The following COL6A5 variants were observed in gnomAD, a reference collection of about 807,000 sequenced individuals.
COL6A5 encodes the protein collagen type VI alpha 5 chain.
In COL6A5, 48 loss-of-function variants were observed where a neutral mutation model predicts 65.6. The ratio of observed to expected loss-of-function variants is 0.73; its 90% CI spans 0.58 to 0.93. COL6A5 has a LOEUF of 0.93. COL6A5 is among the 40% of genes least tolerant of loss of function. COL6A5 has a pLI of 0.00. For synonymous variants in COL6A5, 291 were observed against 322.8 expected (o/e 0.90, Z 1.05); for missense variants, 914 against 928.3 (o/e 0.98, Z 0.20).
chr3:130,398,073 T>TAATG (rs1398913539), exon 10 of COL6A5: 14 of 1,550,682 alleles, frequency 9.0e-6, no homozygotes, highest in Non-Finnish European at 1.2e-5. Flanking sequence ...GAAAGCAACA[T>TAATG]AATGCTTGAA....
upstream of COL6A5, chr3:130,429,444 C>G (rs568030985): frequency 9.6e-5 from 68 of 708,900 alleles, no homozygotes; most frequent in African/African-American, 1.2e-3. Context: ...CTTCCTGTCA[C>G]TTAGGAATTA....
rs577043089 is a variant in COL6A5, at chr3:130,391,844, G to A, written c.2992+90G>A. On this transcript the variant is annotated intron_variant and NMD_transcript_variant, in intron 7 of 41. Transcript: ENST00000312481. ...TAAGTCTCAGGTCTCCGATTACCTG[G>A]ATGTTATGGACTGAACATTTCTCTG... The A allele has an allele frequency of 4.8e-4, 459 of 954,942 alleles. 2 individuals carry two copies. In the African/African-American group the frequency reaches 5.8e-3, roughly 12 times the overall value. 59.2% of individuals were successfully genotyped at this position (954,942 alleles called of 1,614,324 possible).
At chr3:130,466,597 G>C (rs1709823168) in intron 5 of COL6A5, among the ~76,000 whole-genome samples, 1 of 151,664 alleles carries the variant, frequency 6.6e-6, no homozygotes, top group African/African-American at 2.4e-5. Flanking sequence ...CAAGGTAAGT[G>C]GGAGAAAGAA....
intron 25 of COL6A5, 67 bp from the exon 26 acceptor site, chr3:130,421,086 T>G: frequency 7.1e-7 from 1 of 1,404,790 alleles, no homozygotes; most frequent in Non-Finnish European, 9.8e-7. Context: ...CACTGTAATC[T>G]CCCCAGTATA....
intron 1 of COL6A5, among the ~76,000 whole-genome samples, chr3:130,438,405 GTGAATGAA>G (rs955738532): frequency 2.7e-5 from 4 of 147,576 alleles, no homozygotes; most frequent in African/African-American, 9.9e-5. Flanking sequence ...GAGTGAATGA[GTGAATGAA>G]TGAATGAATG....
chr3:130,349,952 A>T (rs1934640123), intron 1 of COL6A5, among the ~76,000 whole-genome samples: 1 of 152,208 alleles, frequency 6.6e-6, no homozygotes, highest in African/African-American at 2.4e-5. Flanking sequence ...TGGTCCCAAG[A>T]TGGCAGTTGG....
intron 1 of COL6A5, among the ~76,000 whole-genome samples, chr3:130,369,466 G>A (rs1935471202): frequency 1.3e-5 from 2 of 152,048 alleles, no homozygotes; most frequent in African/African-American, 2.4e-5. Flanking sequence ...TCCCTTTAGT[G>A]TCTGAACCTC....
At chr3:130,454,400 C>T (rs1166643686) in intron 4 of COL6A5, among the ~76,000 whole-genome samples, 1 of 152,136 alleles carries the variant, frequency 6.6e-6, no homozygotes, top group African/African-American at 2.4e-5. Flanking sequence ...TGCCATCACA[C>T]GTGATGTCAC....
chr3:130,426,125 A>G lies in COL6A5; in HGVS notation c.5164-89A>G, dbSNP rs1386006809. 3.6e-5 allele frequency: 46 copies of G among 1,271,180 alleles called. No homozygotes were observed. The Admixed American group carries it at 9.7e-4, about 27-fold the overall frequency. The allele number at this position is 1,271,180 out of a possible 1,614,324, so 78.7% of individuals were successfully genotyped here. On this transcript the variant is annotated intron_variant and NMD_transcript_variant, in intron 29 of 41. Transcript: ENST00000312481. ...TCTACCAGCTGTGCTTTTAAGAAAG[A>G]AAGTTTTTTGTTTTGTCTTGTTTTA...
At chr3:130,401,370 AAATG>A (rs1295928913) in intron 11 of COL6A5, among the ~76,000 whole-genome samples, 197 bp downstream of exon 11, 1 of 152,210 alleles carries the variant, frequency 6.6e-6, no homozygotes, top group African/African-American at 2.4e-5. Flanking sequence ...TCATCTCACT[AAATG>A]AATGCATAAG....
intron 2 of COL6A5, among the ~76,000 whole-genome samples, chr3:130,374,288 T>C (rs1403569210): frequency 6.6e-6 from 1 of 152,174 alleles, no homozygotes; most frequent in Non-Finnish European, 1.5e-5. Context: ...GCTCATAGGC[T>C]AAAAACCTGT....
chr3:130,394,485 T>C (rs992867627), intron 7 of COL6A5, among the ~76,000 whole-genome samples: 1 of 152,228 alleles, frequency 6.6e-6, no homozygotes, highest in Non-Finnish European at 1.5e-5. Context: ...ATAACATGAA[T>C]AGTAATAGGA....
intron 4 of COL6A5, among the ~76,000 whole-genome samples, chr3:130,381,568 G>C (rs1228614487): frequency 2.0e-5 from 3 of 151,888 alleles, no homozygotes; most frequent in African/African-American, 7.3e-5. Flanking sequence ...GATTCTTTGT[G>C]AATCTGCTAT....
intron 1 of COL6A5, among the ~76,000 whole-genome samples, chr3:130,360,118 A>G (rs574944424): frequency 6.6e-6 from 1 of 152,238 alleles, no homozygotes; most frequent in Non-Finnish European, 1.5e-5. Context: ...GAAGAAAAAA[A>G]GGAAGTTTTA....
chr3:130,398,153 T>G (rs1936682267), intron 10 of COL6A5, 42 bp downstream of exon 10: 15 of 1,136,384 alleles, frequency 1.3e-5, no homozygotes, highest in Non-Finnish European at 1.9e-5. Flanking sequence ...TTTTTTGAGA[T>G]GGAGTGTCAG....
chr3:130,419,731 C>A (rs1937470263), intron 25 of COL6A5, among the ~76,000 whole-genome samples: 1 of 151,994 alleles, frequency 6.6e-6, no homozygotes, highest in African/African-American at 2.4e-5. Context: ...ATCATAGAAA[C>A]AGAGAATTAA....
chr3:130,395,919 A>G (rs577457749), intron 8 of COL6A5, among the ~76,000 whole-genome samples: 1 of 152,108 alleles, frequency 6.6e-6, no homozygotes, highest in East Asian at 1.9e-4. Flanking sequence ...GTGTGTGTGT[A>G]CAGTGTATTT....
At chr3:130,482,352 T>G (rs1710270656) in intron 7 of COL6A5, among the ~76,000 whole-genome samples, 1 of 151,832 alleles carries the variant, frequency 6.6e-6, no homozygotes, top group African/African-American at 2.4e-5. Context: ...ATCAGATGGT[T>G]GTAGATGCAT....
At chr3:130,358,793 T>C (rs1197448382) in intron 1 of COL6A5, among the ~76,000 whole-genome samples, 1 of 152,210 alleles carries the variant, frequency 6.6e-6, no homozygotes, top group Non-Finnish European at 1.5e-5. Context: ...ATTTTAGATA[T>C]ACATTCGTTT....
Sources: allele counts gnomAD v4.1 joint callset (sites outside exome capture counted in the v4.1 genomes callset), GRCh38; gene constraint gnomAD v4.1.1; transcripts MANE v1.5; gene names NCBI Gene and HGNC (gene_info 2026-07-23, HGNC 2026-07-21).